The following ANO10 variants were observed in gnomAD, a reference collection of about 807,000 sequenced individuals.
The protein encoded by ANO10 is anoctamin-10.
Under a neutral mutation model 74.7 loss-of-function variants are expected in ANO10, and 77 were observed. The observed-to-expected ratio is 1.03, with a 90% confidence interval of 0.86 to 1.25. ANO10 has a LOEUF of 1.25. Ranked by LOEUF, ANO10 falls within the 50% of genes most tolerant of loss-of-function variation. ANO10 has a pLI of 0.00. For missense variants in ANO10, 721 were observed against 778.1 expected (o/e 0.93, Z 0.87); for synonymous variants, 279 against 284.9 (o/e 0.98, Z 0.21).
intron 12 of ANO10, among the ~76,000 whole-genome samples, chr3:43,367,423 G>C (rs77019478): frequency 0.01 from 1,579 of 152,296 alleles, 25 homozygotes; most frequent in African/African-American, 0.035. Flanking sequence ...CAGGGTGGCT[G>C]CAAGTATTGT....
intron 1 of ANO10, among the ~76,000 whole-genome samples, chr3:43,677,899 GC>G (rs1037109848): frequency 1.3e-5 from 2 of 152,210 alleles, no homozygotes; most frequent in African/African-American, 4.8e-5. Flanking sequence ...TCTGCCACAT[GC>G]TTTTGGTCAA....
intron 11 of ANO10, among the ~76,000 whole-genome samples, chr3:43,545,229 A>T (rs2079130682): frequency 6.6e-6 from 1 of 152,214 alleles, no homozygotes; most frequent in Non-Finnish European, 1.5e-5. Context: ...ATCAATAAGA[A>T]CATTATGTAG....
chr3:43,591,983 C>T (rs1250043192), intron 4 of ANO10, among the ~76,000 whole-genome samples: 6 of 152,230 alleles, frequency 3.9e-5, no homozygotes, highest in South Asian at 2.1e-4. Flanking sequence ...CCCACGCCCA[C>T]GGAGCCTTGC....
chr3:43,607,806 G>T (rs536148106), intron 1 of ANO10, among the ~76,000 whole-genome samples: 38 of 152,188 alleles, frequency 2.5e-4, no homozygotes, highest in African/African-American at 8.9e-4. Flanking sequence ...GCAAAGAACT[G>T]AAAATTATTT....
chr3:43,374,032 A>G (rs1461602542), intron 12 of ANO10, among the ~76,000 whole-genome samples: 1 of 152,146 alleles, frequency 6.6e-6, no homozygotes, highest in Non-Finnish European at 1.5e-5. Flanking sequence ...AACTAAACCA[A>G]GAGATCCTTC....
intron 11 of ANO10, among the ~76,000 whole-genome samples, chr3:43,475,477 A>T (rs559875189): frequency 1.3e-5 from 2 of 152,142 alleles, no homozygotes; most frequent in Non-Finnish European, 2.9e-5. Flanking sequence ...AAAAAAGGGG[A>T]GGCTTTATCC....
rs1470193694 is a variant in ANO10, at chr3:43,469,092, C to T, written c.1798-36365G>A. On this transcript the variant is annotated intron_variant, in intron 11 of 12. Coordinates refer to ENST00000292246, the MANE Select transcript of ANO10 (RefSeq NM_018075.5). ...GAGTCTTGTCCTGTCACACAGGCTA[C>T]AGTGCAATGGCACGATCTTGGCTCA... is the stretch of plus-strand genomic sequence containing the variant. Among the ~76,000 whole-genome samples, 9 of 117,896 alleles carry T rather than the reference C, an allele frequency of 7.6e-5. No homozygotes were observed. In the South Asian group the frequency reaches 2.8e-3, roughly 36 times the overall value. 77.3% of individuals were successfully genotyped at this position (117,896 alleles called of 152,430 possible). A position where few individuals can be genotyped will look rare whatever the true frequency, so the allele number is the denominator to read the frequency against.
At chr3:43,653,880 C>T (rs913452286) in intron 1 of ANO10, among the ~76,000 whole-genome samples, 1 of 151,722 alleles carries the variant, frequency 6.6e-6, no homozygotes, top group Non-Finnish European at 1.5e-5. Flanking sequence ...ATGGTTAAGC[C>T]TAACACTTAA....
intron 12 of ANO10, among the ~76,000 whole-genome samples, chr3:43,407,445 A>C (rs1174638524): frequency 6.6e-6 from 1 of 152,194 alleles, no homozygotes; most frequent in East Asian, 1.9e-4. Flanking sequence ...CCTAACCTGC[A>C]CTTCTCTGAC....
chr3:43,576,976 C>G lies in ANO10; in HGVS notation c.878G>C (p.Gly293Ala), dbSNP rs1403505889. Reference sequence around the variant, plus strand: ...CTCCTTCCCAGTGATGGAATTGATACCCAAGACACCATGAAATCCTGGCCG... The same window carrying G: ...CTCCTTCCCAGTGATGGAATTGATAGCCAAGACACCATGAAATCCTGGCCG... ...EPRPGFHGVLGINSITGKEEP... is the reference protein window; with the variant it reads ...EPRPGFHGVLAINSITGKEEP... The change falls in exon 6 of 13, where the codon GGT (glycine) becomes GCT (alanine). Residue 293 changes from glycine to alanine, a missense_variant. Physicochemically the swap from Gly to Ala is moderately conservative, Grantham distance 60. Transcript: ENST00000292246. 6.2e-7 allele frequency: 1 copy of G among 1,613,708 alleles called. No individual in the cohort carries two copies.
chr3:43,565,206 C>G (rs946203698), intron 8 of ANO10, among the ~76,000 whole-genome samples: 1 of 152,202 alleles, frequency 6.6e-6, no homozygotes, highest in East Asian at 1.9e-4. Context: ...GACAACACAC[C>G]AAAATAAATG....
intron 1 of ANO10, chr3:43,690,977 T>A (rs1440156590): frequency 1.3e-6 from 2 of 1,570,242 alleles, no homozygotes; most frequent in South Asian, 2.3e-5. Flanking sequence ...GTCCCGGCGC[T>A]TGCGCGGCGG....
intron 11 of ANO10, among the ~76,000 whole-genome samples, chr3:43,541,196 T>C (rs1363919021): frequency 6.6e-6 from 1 of 152,244 alleles, no homozygotes. Flanking sequence ...GGCTAAGTTT[T>C]AAACTGAATT....
intron 1 of ANO10, among the ~76,000 whole-genome samples, chr3:43,672,865 T>C (rs2084076563): frequency 6.6e-6 from 1 of 152,222 alleles, no homozygotes; most frequent in South Asian, 2.1e-4. Flanking sequence ...TTTGAAGTGA[T>C]TGACAATTTC....
At chr3:43,635,837 G>T (rs932701962) in intron 1 of ANO10, among the ~76,000 whole-genome samples, 3 of 151,928 alleles carry the variant, frequency 2.0e-5, no homozygotes, top group African/African-American at 7.3e-5. Flanking sequence ...GGCCAGGATG[G>T]TCTCGATAGC....
chr3:43,382,630 A>G (rs1477209511), intron 12 of ANO10, among the ~76,000 whole-genome samples: 1 of 152,236 alleles, frequency 6.6e-6, no homozygotes, highest in Non-Finnish European at 1.5e-5. Context: ...CTTTGAAAAG[A>G]TAGACTAATG....
intron 1 of ANO10, among the ~76,000 whole-genome samples, chr3:43,643,117 C>T (rs531607735): frequency 1.4e-4 from 21 of 151,266 alleles, no homozygotes; most frequent in East Asian, 1.2e-3. Context: ...CTGCAAGCTC[C>T]GCCTCCCGGG....
At chr3:43,372,750 C>T in intron 12 of ANO10, 1 of 1,157,302 alleles carries the variant, frequency 8.6e-7, no homozygotes, top group Non-Finnish European at 1.2e-6. Flanking sequence ...CTCCAGAGAG[C>T]AGGGCCATGA....
intron 12 of ANO10, among the ~76,000 whole-genome samples, chr3:43,375,664 A>G (rs897806178): frequency 5.3e-5 from 8 of 152,118 alleles, no homozygotes; most frequent in African/African-American, 1.9e-4. Flanking sequence ...CTCCTAGCTA[A>G]AAGAGGCAGG....
Sources: allele counts gnomAD v4.1 joint callset (sites outside exome capture counted in the v4.1 genomes callset), GRCh38; gene constraint gnomAD v4.1.1; transcripts MANE v1.5; gene names NCBI Gene and HGNC (gene_info 2026-07-23, HGNC 2026-07-21).